The following CMIP variants were observed in gnomAD, a reference collection of about 807,000 sequenced individuals.
CMIP encodes C-Maf-inducing protein.
A neutral mutation model predicts 97.3 loss-of-function variants in CMIP; 13 were observed. The ratio of observed to expected loss-of-function variants is 0.13; its 90% CI spans 0.09 to 0.21. The LOEUF is 0.21. CMIP is among the 10% of genes least tolerant of loss of function. The pLI is 1.00. For synonymous variants in CMIP, 538 were observed against 436.3 expected (o/e 1.23, Z -2.91); for missense variants, 847 against 1,024.9 (o/e 0.83, Z 2.37).
chr16:81,594,018 C>T lies in CMIP; in HGVS notation c.301-13549C>T, dbSNP rs150850036. ...CTCCCCCTCTTTCCTCCTCTTCCTC[C>T]CCCCCTTCTCCTCCTCCTCCCCCTC... On this transcript the variant is annotated intron_variant, in intron 1 of 20. Coordinates refer to ENST00000537098, the MANE Select transcript of CMIP (RefSeq NM_198390.3). Among the ~76,000 whole-genome samples, 211 of 91,800 alleles carry T rather than the reference C, an allele frequency of 2.3e-3. 2 individuals carry two copies. The East Asian group carries it at 0.055, about 24-fold the overall frequency. 60.2% of individuals were successfully genotyped at this position (91,800 alleles called of 152,430 possible). A position where few individuals can be genotyped will look rare whatever the true frequency, so the allele number is the denominator to read the frequency against.
intron 3 of CMIP, among the ~76,000 whole-genome samples, chr16:81,639,852 A>G (rs1281483252): frequency 6.6e-6 from 1 of 152,114 alleles, no homozygotes; most frequent in African/African-American, 2.4e-5. Context: ...GGTGGTTTTA[A>G]TGTGTAGCCA....
At chr16:81,683,886 C>G (rs947514878) in intron 10 of CMIP, among the ~76,000 whole-genome samples, 3 of 151,392 alleles carry the variant, frequency 2.0e-5, no homozygotes, top group African/African-American at 7.3e-5. Context: ...CTCAGCCTCC[C>G]CAGTAGCTGG....
intron 1 of CMIP, among the ~76,000 whole-genome samples, chr16:81,473,012 T>C (rs1482378883): frequency 6.6e-6 from 1 of 152,174 alleles, no homozygotes; most frequent in Non-Finnish European, 1.5e-5. Flanking sequence ...GGGCCAAGCT[T>C]ACATAGATCC....
At chr16:81,573,655 T>C (rs1012088745) in intron 1 of CMIP, among the ~76,000 whole-genome samples, 4 of 152,168 alleles carry the variant, frequency 2.6e-5, no homozygotes, top group Admixed American at 1.3e-4. Flanking sequence ...GGGGGAGGTC[T>C]AGCCAGCAGG....
At chr16:81,554,807 G>A (rs924248874) in intron 1 of CMIP, among the ~76,000 whole-genome samples, 4 of 152,224 alleles carry the variant, frequency 2.6e-5, no homozygotes, top group African/African-American at 9.6e-5. Flanking sequence ...CCCAACGAAA[G>A]CATAGAGTGC....
intron 1 of CMIP, among the ~76,000 whole-genome samples, chr16:81,577,523 CCAT>C (rs2091215534): frequency 6.9e-6 from 1 of 144,662 alleles, no homozygotes; most frequent in South Asian, 2.2e-4. Context: ...TTCATCACCA[CCAT>C]CATCCCCATT....
At chr16:81,462,561 T>C (rs991764541) in intron 1 of CMIP, among the ~76,000 whole-genome samples, 1 of 152,216 alleles carries the variant, frequency 6.6e-6, no homozygotes, top group African/African-American at 2.4e-5. Flanking sequence ...AGAGTTTTGC[T>C]CCTTTGGCCA....
At chr16:81,489,509 C>T (rs958193611) in intron 1 of CMIP, among the ~76,000 whole-genome samples, 1 of 152,220 alleles carries the variant, frequency 6.6e-6, no homozygotes, top group African/African-American at 2.4e-5. Flanking sequence ...GTGAGTCCCT[C>T]TTTCCAAAAG....
chr16:81,503,487 C>T (rs2089649196), intron 1 of CMIP, among the ~76,000 whole-genome samples: 1 of 152,160 alleles, frequency 6.6e-6, no homozygotes, highest in South Asian at 2.1e-4. Context: ...GCCTTGACCC[C>T]CCAGGCTCAA....
chr16:81,613,105 C>G (rs915412573), intron 2 of CMIP, among the ~76,000 whole-genome samples: 2 of 152,162 alleles, frequency 1.3e-5, no homozygotes, highest in Non-Finnish European at 2.9e-5. Context: ...GTAGACAAGC[C>G]AAAGGAACGA....
chr16:81,497,463 C>T (rs1257242396), intron 1 of CMIP, among the ~76,000 whole-genome samples: 2 of 152,178 alleles, frequency 1.3e-5, no homozygotes, highest in Admixed American at 6.5e-5. Context: ...TAAACAACCC[C>T]CGAACCCAGC....
intron 1 of CMIP, among the ~76,000 whole-genome samples, chr16:81,501,235 A>G (rs766777625): frequency 7.2e-5 from 11 of 152,188 alleles, no homozygotes; most frequent in Non-Finnish European, 1.3e-4. Flanking sequence ...GGAATTTCTG[A>G]GATCGAGTAA....
chr16:81,583,653 T>C lies in CMIP; in HGVS notation c.301-23914T>C, dbSNP rs553822491. Among the ~76,000 whole-genome samples the C allele has an allele frequency of 6.6e-5, 10 of 152,248 alleles. No individual in the cohort carries two copies. The South Asian group carries it at 1.5e-3, about 22-fold the overall frequency. ...CACTGTCAGCCCCAACCGAGGCTTA[T>C]TGGGGGTACTTTGTTTCTCCTTTGG... On this transcript the variant is annotated intron_variant, in intron 1 of 20. Transcript: ENST00000537098.
At position 81,616,733 on chromosome 16, in the gene CMIP, G is replaced by T. The variant is rs189745673; in HGVS notation, c.427-4143G>T. On this transcript the variant is annotated intron_variant, in intron 2 of 20. Transcript: ENST00000537098. This position sits in a 1 kb window ranked among gnomAD's most constrained non-coding sequence, Gnocchi z 4.7. Reference sequence around the variant, plus strand: ...GTCACACCCTCCTATGGGAGGAAAGGCTTGGAAACCCAGATGGCTCTGCCT... The same window carrying T: ...GTCACACCCTCCTATGGGAGGAAAGTCTTGGAAACCCAGATGGCTCTGCCT... Among the ~76,000 whole-genome samples the T allele has an allele frequency of 7.9e-5, 12 of 152,312 alleles. No homozygotes were observed. Among genetic ancestry groups the T allele is most frequent in the African/African-American group, 2.6e-4 (11 of 41,574 alleles).
At chr16:81,648,589 G>T (rs1483512027) in intron 3 of CMIP, among the ~76,000 whole-genome samples, 1 of 151,918 alleles carries the variant, frequency 6.6e-6, no homozygotes, top group Non-Finnish European at 1.5e-5. Context: ...TTCAAGACCA[G>T]CCTGGCCAAC....
intron 1 of CMIP, among the ~76,000 whole-genome samples, chr16:81,474,705 G>A (rs1907779940): frequency 6.6e-6 from 1 of 152,218 alleles, no homozygotes. Flanking sequence ...CTCAGTGTTG[G>A]CCGTGCTCAT....
chr16:81,522,220 A>T (rs766518822), intron 1 of CMIP, among the ~76,000 whole-genome samples: 23 of 152,172 alleles, frequency 1.5e-4, no homozygotes, highest in Non-Finnish European at 3.2e-4. Context: ...GCGATCGATG[A>T]TGTCACTGGG....
intron 1 of CMIP, among the ~76,000 whole-genome samples, chr16:81,474,567 G>C (rs1187744984): frequency 6.6e-6 from 1 of 152,190 alleles, no homozygotes; most frequent in Non-Finnish European, 1.5e-5. Flanking sequence ...AACTGAGTCA[G>C]GTCAGAGGAG....
rs189107658 is a variant in CMIP at position 81,691,850 on chromosome 16, G to A, written c.1454+10G>A. ...TTCCATTCCCCAAAGAGTAAGTCCCGTGTGCATCCCCGGAGCCCTCCCACC... is the reference window on the plus strand; with the variant it reads ...TTCCATTCCCCAAAGAGTAAGTCCCATGTGCATCCCCGGAGCCCTCCCACC... On this transcript the variant is annotated intron_variant, in intron 11 of 20. Coordinates refer to ENST00000537098, the MANE Select transcript of CMIP (RefSeq NM_198390.3). 97 of 1,611,946 alleles carry A rather than the reference G, an allele frequency of 6.0e-5. No homozygotes were observed. In the African/African-American group the frequency reaches 1.1e-3, roughly 18 times the overall value.
Sources: gnomAD v4.1 joint callset for allele counts (sites outside exome capture counted in the v4.1 genomes callset) on GRCh38, gnomAD v4.1.1 for gene constraint, Gnocchi (gnomAD v3.1) non-coding constraint, MANE v1.5 for transcripts, NCBI Gene and HGNC (gene_info 2026-07-23, HGNC 2026-07-21) for gene names.